Variants in SHMT1 observed in about 807,000 individuals in gnomAD.
SHMT1 encodes serine hydroxymethyltransferase 1.
Under a neutral mutation model 49.0 loss-of-function variants are expected in SHMT1, and 45 were observed. That is an observed-to-expected ratio of 0.92 (90% CI 0.72 to 1.18). SHMT1 has a LOEUF of 1.18. SHMT1 is among the 50% of genes most tolerant of loss of function. The pLI is 0.00. For synonymous variants in SHMT1, 232 were observed against 246.6 expected (o/e 0.94, Z 0.55); for missense variants, 541 against 612.4 (o/e 0.88, Z 1.23).
At chr17:18,332,982 G>C (rs763605955) in intron 9 of SHMT1, 184 bp downstream of exon 9, 1 of 722,332 alleles carries the variant, frequency 1.4e-6, no homozygotes, top group South Asian at 1.5e-5. Context: ...CCAAGGGGGC[G>C]GCTGGCTGGT....
In SHMT1 at chr17:18,328,778, AAG is replaced by A. The variant is rs992639703; in HGVS notation, c.1422_1423del (p.Phe475ProfsTer7). On this transcript the variant is annotated frameshift_variant, in exon 12 of 12. Coordinates refer to ENST00000316694, the MANE Select transcript of SHMT1 (RefSeq NM_004169.5). LOFTEE classifies it high-confidence loss of function. Reference sequence around the variant, plus strand: ...GAAGTCAGGCAGGCCAGGCAGAGGGAAGAGAGAGGCGAAGCTCTCAACCTCCT... The same window carrying A: ...GAAGTCAGGCAGGCCAGGCAGAGGGAAGAGAGGCGAAGCTCTCAACCTCCT... 7 of 1,593,306 alleles carry A rather than the reference AAG, an allele frequency of 4.4e-6. No individual in the cohort carries two copies. The highest frequency in any genetic ancestry group is 4.5e-5 in the East Asian group (2 of 44,258).
rs756967381 is a variant in SHMT1, at chr17:18,333,017, T to C, written c.1054+149A>G. On this transcript the variant is annotated intron_variant, in intron 9 of 11. Coordinates refer to ENST00000316694, the MANE Select transcript of SHMT1 (RefSeq NM_004169.5). The stretch of plus-strand genomic sequence containing the variant: ...TCTGAGGCAGGGGGAGGCTTTCCAG[T>C]TGGAGGCGAGGCTGACCTCCTCCCA... 5 of 974,546 alleles carry C rather than the reference T, an allele frequency of 5.1e-6. No individual in the cohort carries two copies. In the African/African-American group the frequency reaches 6.4e-5, roughly 13 times the overall value. 60.4% of individuals were successfully genotyped at this position (974,546 alleles called of 1,614,324 possible).
At chr17:18,360,067 G>A (rs1196419943) in intron 1 of SHMT1, among the ~76,000 whole-genome samples, 4 of 151,978 alleles carry the variant, frequency 2.6e-5, no homozygotes, top group African/African-American at 7.3e-5. Flanking sequence ...GGCCAACACA[G>A]CGAAACCCCG....
chr17:18,328,900 C>G lies in SHMT1; in HGVS notation c.1302G>C (p.Gln434His). ...FIHRGIELTL[Q>H]IQSDTGVRAT... is the part of the protein sequence containing the mutation. ...CTCTGACACCAGTGTCGCTCTGGAT[C>G]TGCAGGGTCAGCTCTATCCCTGTGC... The change falls in exon 12 of 12, where the codon CAG becomes CAC. Residue 434 changes from glutamine to histidine, a missense_variant. Coordinates refer to ENST00000316694, the MANE Select transcript of SHMT1 (RefSeq NM_004169.5). 1.2e-6 allele frequency: 2 copies of G among 1,613,946 alleles called. No homozygotes were observed. The highest frequency in any genetic ancestry group is 1.1e-5 in the South Asian group (1 of 91,070).
intron 4 of SHMT1, 50 bp downstream of exon 4, chr17:18,348,275 G>A (rs201620237): frequency 1.7e-6 from 2 of 1,206,854 alleles, no homozygotes; most frequent in Non-Finnish European, 2.5e-6. Context: ...GTCGGCCCTG[G>A]GGGATGCACA....
intron 3 of SHMT1, among the ~76,000 whole-genome samples, chr17:18,352,275 T>A (rs2151598437): frequency 6.6e-6 from 1 of 151,044 alleles, no homozygotes; most frequent in African/African-American, 2.4e-5. Context: ...GCCTCCCACG[T>A]AGCTGGGACT....
intron 7 of SHMT1, among the ~76,000 whole-genome samples, chr17:18,336,267 A>T (rs982281877): frequency 2.0e-5 from 3 of 151,816 alleles, no homozygotes; most frequent in Non-Finnish European, 4.4e-5. Context: ...ACAGAGTGAC[A>T]TTCTGTCTCA....
intron 8 of SHMT1, among the ~76,000 whole-genome samples, chr17:18,334,193 C>T (rs1347931292): frequency 1.3e-5 from 2 of 152,100 alleles, no homozygotes; most frequent in African/African-American, 4.8e-5. Flanking sequence ...CTGTCCATCT[C>T]GGCCTCCCAA....
intron 1 of SHMT1, among the ~76,000 whole-genome samples, chr17:18,359,906 A>G (rs956338471): frequency 6.6e-6 from 1 of 151,026 alleles, no homozygotes; most frequent in Non-Finnish European, 1.5e-5. Flanking sequence ...AGATCACACC[A>G]CTGCACCGCA....
chr17:18,331,143 CA>C, intron 9 of SHMT1: 1 of 303,632 alleles, frequency 3.3e-6, no homozygotes, highest in Non-Finnish European at 6.4e-6. Context: ...ATGGTATTAT[CA>C]AAGTGGTAAG....
In SHMT1 at chr17:18,340,559, C is replaced by T. The variant is rs62072544; in HGVS notation, c.601+173G>A. On this transcript the variant is annotated intron_variant, in intron 6 of 11. Coordinates refer to ENST00000316694, the MANE Select transcript of SHMT1 (RefSeq NM_004169.5). This position sits in a 1 kb window ranked among gnomAD's most constrained non-coding sequence, Gnocchi z 4.5. ...TTAATCTACATAGCACAAAAAGCAG[C>T]AAACACACATCTGTATCCTGAAAGA... 165,622 of 713,978 alleles carry T rather than the reference C, an allele frequency of 0.23. 19,629 individuals carry two copies. The highest frequency in any genetic ancestry group is 0.29 in the Middle Eastern group (1,252 of 4,370). 44.2% of individuals were successfully genotyped at this position (713,978 alleles called of 1,614,324 possible). A position where few individuals can be genotyped will look rare whatever the true frequency, so the allele number is the denominator to read the frequency against.
rs1982775042 is a variant in SHMT1 at position 18,328,243 on chromosome 17, G to A, written c.*507C>T. ...TACTGGGTGCATCTTGTTTACTCTT[G>A]ACTAACATACACTTCTGATTTACAG... On this transcript the variant is annotated 3_prime_UTR_variant, in exon 12 of 12. Coordinates refer to ENST00000316694, the MANE Select transcript of SHMT1 (RefSeq NM_004169.5). 5.7e-6 allele frequency: 1 copy of A among 175,254 alleles called. No individual in the cohort carries two copies. Among genetic ancestry groups the A allele is most frequent in the Admixed American group, 5.4e-5 (1 of 18,406 alleles). The allele number at this position is 175,254 out of a possible 1,614,324, so 10.9% of individuals were successfully genotyped here.
chr17:18,333,359 T>G, intron 8 of SHMT1, 71 bp from the exon 9 acceptor site: 1 of 1,504,562 alleles, frequency 6.6e-7, no homozygotes, highest in Non-Finnish European at 9.1e-7. Context: ...CAAACAACAT[T>G]CCTGTTTTTA....
intron 1 of SHMT1, among the ~76,000 whole-genome samples, chr17:18,361,903 A>T (rs1314686993): frequency 6.6e-6 from 1 of 152,108 alleles, no homozygotes; most frequent in Non-Finnish European, 1.5e-5. Context: ...ACAACATTGG[A>T]TATTTCTGTA....
rs554930505 is a variant in SHMT1 at position 18,347,280 on chromosome 17, G to A, written c.519+216C>T. On this transcript the variant is annotated intron_variant, in intron 5 of 11. Transcript: ENST00000316694. ...TCCTCAGTAGTTGCCTCCCTCACTGGTTTCCCTGTGGCCTCAGCTCAGACC... is the reference window on the plus strand; with the variant it reads ...TCCTCAGTAGTTGCCTCCCTCACTGATTTCCCTGTGGCCTCAGCTCAGACC... 3.9e-5 allele frequency among the ~76,000 whole-genome samples: 6 copies of A among 152,286 alleles called. No homozygotes were observed. The South Asian group carries it at 1.2e-3, about 32-fold the overall frequency.
intron 7 of SHMT1, among the ~76,000 whole-genome samples, chr17:18,339,582 A>G (rs1434965258): frequency 1.4e-5 from 2 of 147,544 alleles, no homozygotes; most frequent in African/African-American, 2.5e-5. Flanking sequence ...TTTTTTTGAG[A>G]CGGCATCTCG....
Position 18,328,777 on chromosome 17 carries a change from GAAGA to G in SHMT1, c.1421_1424del (p.Leu474ProfsTer68), listed in dbSNP as rs775774187. ...AGAAGTCAGGCAGGCCAGGCAGAGG[GAAGA>G]GAGAGGCGAAGCTCTCAACCTCCTC... is the stretch of plus-strand genomic sequence containing the variant. On this transcript the variant is annotated frameshift_variant, in exon 12 of 12. Transcript: ENST00000316694. LOFTEE classifies it high-confidence loss of function. 1.3e-6 allele frequency: 2 copies of G among 1,592,418 alleles called. No individual in the cohort carries two copies. Among genetic ancestry groups the G allele is most frequent in the East Asian group, 4.5e-5 (2 of 44,176 alleles).
chr17:18,339,049 T>TAAAAAAAAAAAAAAAA (rs34704448), intron 7 of SHMT1, among the ~76,000 whole-genome samples: 1 of 26,852 alleles, frequency 3.7e-5, no homozygotes, highest in African/African-American at 1.8e-4. Flanking sequence ...CAATAAATAC[T>TAAAAAAAAAAAAAAAA]AAAAAAAAAA....
At chr17:18,334,209 T>C (rs570046991) in intron 8 of SHMT1, among the ~76,000 whole-genome samples, 51 of 152,320 alleles carry the variant, frequency 3.3e-4, no homozygotes, top group African/African-American at 1.2e-3. Context: ...CCCAAAGTGC[T>C]GGGACTACAG....
Sources: allele counts gnomAD v4.1 joint callset (sites outside exome capture counted in the v4.1 genomes callset), GRCh38; gene constraint gnomAD v4.1.1; non-coding constraint Gnocchi (gnomAD v3.1); transcripts MANE v1.5; gene names NCBI Gene and HGNC (gene_info 2026-07-23, HGNC 2026-07-21).